Variants in ABCB1 observed in about 807,000 individuals in gnomAD.
ABCB1 encodes the protein ATP binding cassette subfamily B member 1.
ABCB1 carries 69 observed loss-of-function variants against 142.0 expected under a neutral mutation model. The observed-to-expected ratio is 0.49, with a 90% CI of 0.40 to 0.59. The LOEUF is 0.59. ABCB1 is among the 20% of genes least tolerant of loss of function. The pLI is 0.00. For synonymous variants in ABCB1, 532 were observed against 539.2 expected (o/e 0.99, Z 0.18); for missense variants, 1,326 against 1,554.7 (o/e 0.85, Z 2.47).
intron 21 of ABCB1, chr7:87,521,098 AGC>A: frequency 1.9e-6 from 1 of 531,704 alleles, no homozygotes; most frequent in Non-Finnish European, 3.3e-6. Context: ...CAGAAATAGA[AGC>A]TAAGACTTAA....
chr7:87,519,750 G>A (rs1028793094), intron 22 of ABCB1, among the ~76,000 whole-genome samples: 4 of 152,160 alleles, frequency 2.6e-5, no homozygotes, highest in Non-Finnish European at 5.9e-5. Flanking sequence ...AGCCGGTTAG[G>A]GATCAATAAG....
At chr7:87,567,087 T>C in intron 5 of ABCB1, 111 bp from the exon 6 acceptor site, 2 of 993,312 alleles carry the variant, frequency 2.0e-6, no homozygotes, top group South Asian at 2.7e-5. Context: ...CTCGCCATCC[T>C]TAACAAATAA....
intron 20 of ABCB1, 117 bp downstream of exon 20, chr7:87,536,341 T>C (rs1816291059): frequency 5.7e-6 from 5 of 883,910 alleles, no homozygotes; most frequent in Non-Finnish European, 5.7e-6. Context: ...GTAGGTTAGA[T>C]ATTTATTCAA....
chr7:87,549,864 A>T lies in ABCB1; in HGVS notation c.1541T>A (p.Met514Lys). ...AGGACAACTTACATGAGGCAGTTTC[A>T]TGATAAAGTCATAGGCATTGGCTTC... ...VKEANAYDFI[M>K]KLPHKFDTLV... Residue 514 changes from methionine to lysine, a missense_variant, in exon 13 of 28, where the codon ATG (methionine) becomes AAG (lysine). By Grantham distance (95) the Met-to-Lys change is moderately conservative. Coordinates refer to ENST00000622132, the MANE Select transcript of ABCB1 (RefSeq NM_001348946.2). 6.2e-7 allele frequency: 1 copy of T among 1,614,198 alleles called. No individual in the cohort carries two copies. Among genetic ancestry groups the T allele is most frequent in the Non-Finnish European group, 8.5e-7 (1 of 1,180,030 alleles).
At chr7:87,640,372 GT>G (rs1471633931) in intron 1 of ABCB1, among the ~76,000 whole-genome samples, 3 of 151,670 alleles carry the variant, frequency 2.0e-5, no homozygotes, top group Non-Finnish European at 4.4e-5. Flanking sequence ...TTTTTTAGAG[GT>G]TGGGTCTTGC....
chr7:87,661,373 A>G (rs957398327), intron 1 of ABCB1, among the ~76,000 whole-genome samples: 1 of 151,728 alleles, frequency 6.6e-6, no homozygotes, highest in Admixed American at 6.6e-5. Context: ...ATCTAACTAC[A>G]TTTTTGTACC....
At chr7:87,677,032 T>A (rs1285330211) in intron 1 of ABCB1, among the ~76,000 whole-genome samples, 1 of 152,120 alleles carries the variant, frequency 6.6e-6, no homozygotes, top group African/African-American at 2.4e-5. Context: ...TTGGTGGGAA[T>A]GTAGATTAGG....
At chr7:87,539,100 C>G (rs1816414364) in intron 19 of ABCB1, among the ~76,000 whole-genome samples, 168 bp downstream of exon 19, 1 of 152,140 alleles carries the variant, frequency 6.6e-6, no homozygotes, top group Admixed American at 6.5e-5. Flanking sequence ...ACAGTAGAGC[C>G]TCATCTGTGC....
At chr7:87,515,488 G>A in intron 24 of ABCB1, 60 bp from the exon 25 acceptor site, 1 of 1,504,730 alleles carries the variant, frequency 6.6e-7, no homozygotes. Flanking sequence ...AAAGTGTATA[G>A]CTAACTCTCT....
chr7:87,607,677 A>C (rs1037724410), intron 1 of ABCB1, among the ~76,000 whole-genome samples: 1 of 151,940 alleles, frequency 6.6e-6, no homozygotes, highest in Non-Finnish European at 1.5e-5. Flanking sequence ...TCCTCCTCTC[A>C]AGTAGCTGGG....
At chr7:87,694,728 T>C (rs1355194947) in intron 1 of ABCB1, among the ~76,000 whole-genome samples, 1 of 152,160 alleles carries the variant, frequency 6.6e-6, no homozygotes, top group Non-Finnish European at 1.5e-5. Context: ...ACCAGTACTT[T>C]AAGCCTTATG....
intron 25 of ABCB1, among the ~76,000 whole-genome samples, chr7:87,514,909 A>G (rs1237267688): frequency 6.6e-6 from 1 of 152,162 alleles, no homozygotes; most frequent in Non-Finnish European, 1.5e-5. Flanking sequence ...TCTCACTCCT[A>G]GCACCTGTCC....
chr7:87,641,802 A>T (rs906426526), intron 1 of ABCB1, among the ~76,000 whole-genome samples: 2 of 152,210 alleles, frequency 1.3e-5, no homozygotes, highest in Admixed American at 1.3e-4. Context: ...ATCTCCAGTG[A>T]TGGTGATTGT....
At chr7:87,628,691 TCCTC>T (rs1820864603) in intron 1 of ABCB1, 2 of 499,674 alleles carry the variant, frequency 4.0e-6, no homozygotes, top group East Asian at 7.6e-5. Flanking sequence ...TCCACACCCT[TCCTC>T]CCTCCAGGCT....
intron 1 of ABCB1, among the ~76,000 whole-genome samples, chr7:87,641,469 C>G (rs1386964608): frequency 1.3e-5 from 2 of 152,172 alleles, no homozygotes; most frequent in Non-Finnish European, 2.9e-5. Flanking sequence ...CCTGGCCTTT[C>G]AGGGTTTTCA....
intron 1 of ABCB1, among the ~76,000 whole-genome samples, chr7:87,688,367 T>C (rs371322146): frequency 2.0e-5 from 3 of 151,962 alleles, no homozygotes; most frequent in South Asian, 2.1e-4. Flanking sequence ...ACACATTTTA[T>C]ATAATGTAAT....
rs1303468489 is a variant in ABCB1 at position 87,662,587 on chromosome 7, T to G, written c.-331+50574A>C. Among the ~76,000 whole-genome samples the G allele has an allele frequency of 2.0e-5, 3 of 152,110 alleles. No individual in the cohort carries two copies. The East Asian group carries it at 5.8e-4, about 29-fold the overall frequency. ...TAGTTTTATGGATTTATGTCTGCAT[T>G]CTCTATTCTGTTCCATTGGTCTATG... On this transcript the variant is annotated intron_variant, in intron 1 of 28. Coordinates refer to the ABCB1 transcript ENST00000265724.
intron 1 of ABCB1, among the ~76,000 whole-genome samples, chr7:87,688,404 A>G (rs1454851046): frequency 6.6e-6 from 1 of 151,918 alleles, no homozygotes; most frequent in Non-Finnish European, 1.5e-5. Context: ...ACATAATCTT[A>G]TGTTAATTTA....
At chr7:87,541,164 AGAG>A (rs1816515791) in intron 18 of ABCB1, among the ~76,000 whole-genome samples, 190 bp downstream of exon 18, 2 of 152,112 alleles carry the variant, frequency 1.3e-5, no homozygotes, top group South Asian at 4.1e-4. Context: ...GTAAGGGTGG[AGAG>A]GAGAAGGTAA....
Sources: gnomAD v4.1 joint callset for allele counts (sites outside exome capture counted in the v4.1 genomes callset) on GRCh38, gnomAD v4.1.1 for gene constraint, MANE v1.5 for transcripts, NCBI Gene and HGNC (gene_info 2026-07-23, HGNC 2026-07-21) for gene names.